The following NBEAL1 variants were observed in gnomAD, a reference collection of about 807,000 sequenced individuals.
NBEAL1 encodes neurobeachin like 1, also known as neurobeachin-like protein 1.
In NBEAL1, 273 loss-of-function variants were observed where a neutral mutation model predicts 351.3. That is an observed-to-expected ratio of 0.78 (90% CI 0.70 to 0.86). The LOEUF (loss-of-function observed/expected upper bound fraction) is 0.86, where lower values mean the gene tolerates loss of function less well. Ranked by LOEUF, NBEAL1 falls within the 40% of genes least tolerant of loss-of-function variation. The pLI, the probability that NBEAL1 is intolerant of heterozygous loss-of-function variation, is 0.00. For missense variants in NBEAL1, 2,961 were observed against 3,201.3 expected (o/e 0.92, Z 1.81); for synonymous variants, 1,050 against 1,086.4 (o/e 0.97, Z 0.66).
rs1199081057 is a variant in NBEAL1 at position 203,133,163 on chromosome 2, GAT to G, written c.3813+22_3813+23del. On this transcript the variant is annotated intron_variant, in intron 27 of 55. Coordinates refer to ENST00000683969, the MANE Select transcript of NBEAL1 (RefSeq NM_001378026.1). The stretch of plus-strand genomic sequence containing the variant: ...TGCAGAAAGGTCAGTAAACTCTTAA[GAT>G]ATATTTTAATGATAGCAGCATCACC... 7 of 1,234,690 alleles carry G rather than the reference GAT, an allele frequency of 5.7e-6. No homozygotes were observed. In the Admixed American group the frequency reaches 1.7e-4, roughly 29 times the overall value. 76.5% of individuals were successfully genotyped at this position (1,234,690 alleles called of 1,614,324 possible).
intron 10 of NBEAL1, 44 bp downstream of exon 10, chr2:203,084,613 T>C (rs781445597): frequency 1.6e-6 from 2 of 1,213,522 alleles, no homozygotes; most frequent in South Asian, 3.0e-5. Context: ...TAAGAAGCTA[T>C]TTTTTGTTTT....
At position 203,127,795 on chromosome 2, in the gene NBEAL1, A is replaced by G. The variant is rs1047631195; in HGVS notation, c.3263A>G (p.Tyr1088Cys). The G allele has an allele frequency of 2.0e-6, 3 of 1,505,638 alleles. No individual in the cohort carries two copies. Among genetic ancestry groups the G allele is most frequent in the Non-Finnish European group, 2.7e-6 (3 of 1,108,408 alleles). The allele number at this position is 1,505,638 out of a possible 1,614,324, so 93.3% of individuals were successfully genotyped here. ...TTGTCTTTCAGGAATGGTTGTAAAT[A>G]TAATGAACTATCTCTAGATGATATT... Reference protein sequence around the residue: ...LRIYYGNGCKYNELSLDDIRT... With the variant: ...LRIYYGNGCKCNELSLDDIRT... Residue 1088 changes from tyrosine to cysteine, a missense_variant, in exon 24 of 56, where the codon TAT (tyrosine) becomes TGT (cysteine). Tyr to Cys is a radical substitution (Grantham distance 194, BLOSUM62 -2). Transcript: ENST00000683969.
intron 35 of NBEAL1, among the ~76,000 whole-genome samples, chr2:203,152,041 T>A (rs2063668852): frequency 6.6e-6 from 1 of 151,972 alleles, no homozygotes; most frequent in Non-Finnish European, 1.5e-5. Flanking sequence ...CACTGCAACC[T>A]CTGCTTCCAG....
rs115461565 is a variant in NBEAL1, at chr2:203,016,648, G to A, written c.51+213G>A. The stretch of plus-strand genomic sequence containing the variant: ...CATACTGTTAAAAACTGTAGGGTGC[G>A]GCTTTTATTTGATACTTATCCCCAA... On this transcript the variant is annotated intron_variant, in intron 2 of 55. Transcript: ENST00000683969. Among the ~76,000 whole-genome samples, 555 of 152,042 alleles carry A rather than the reference G, an allele frequency of 3.7e-3. 6 individuals carry two copies. The highest frequency in any genetic ancestry group is 0.012 in the African/African-American group (492 of 41,458).
intron 42 of NBEAL1, 122 bp downstream of exon 42, chr2:203,175,409 T>C (rs2064470435): frequency 1.0e-6 from 1 of 994,906 alleles, no homozygotes; most frequent in South Asian, 1.7e-5. Context: ...TTTGATCAGC[T>C]AAAAATAAAC....
intron 36 of NBEAL1, among the ~76,000 whole-genome samples, chr2:203,163,713 T>C (rs533020567): frequency 6.6e-6 from 1 of 152,310 alleles, no homozygotes; most frequent in South Asian, 2.1e-4. Flanking sequence ...AACACAACTG[T>C]ATATATCAGT....
chr2:203,202,916 G>A (rs2065441731), intron 51 of NBEAL1, 135 bp downstream of exon 51: 1 of 602,398 alleles, frequency 1.7e-6, no homozygotes, highest in Non-Finnish European at 3.0e-6. Flanking sequence ...CCCACATTTT[G>A]TCCTGTTCAA....
At chr2:203,057,808 AT>A (rs942163094) in intron 6 of NBEAL1, among the ~76,000 whole-genome samples, 31 of 145,950 alleles carry the variant, frequency 2.1e-4, no homozygotes, top group African/African-American at 3.0e-4. Context: ...TATTTTGTCC[AT>A]TTTTTTTCTT....
At position 203,172,757 on chromosome 2, in the gene NBEAL1, C is replaced by T. The variant is rs781656581; in HGVS notation, c.6227C>T (p.Ser2076Leu). Residue 2076 changes from serine (S) to leucine (L), a missense_variant, in exon 41 of 56, where the codon TCG (serine) becomes TTG (leucine). By Grantham distance (145) the Ser-to-Leu change is moderately radical. Coordinates refer to ENST00000683969, the MANE Select transcript of NBEAL1 (RefSeq NM_001378026.1). ...VFPWILQDYT[S>L]EELDLNNPAV... ...CCCTGGATTTTACAAGATTATACTTCGGAAGAGTTGGACCTTAATAACCCT... is the reference window on the plus strand; with the variant it reads ...CCCTGGATTTTACAAGATTATACTTTGGAAGAGTTGGACCTTAATAACCCT... The T allele has an allele frequency of 2.5e-6, 4 of 1,610,512 alleles. No individual in the cohort carries two copies. Among genetic ancestry groups the T allele is most frequent in the East Asian group, 2.2e-5 (1 of 44,636 alleles).
rs2063578488 is a variant in NBEAL1, at chr2:203,148,966, C to T, written c.5305-25C>T. On this transcript the variant is annotated intron_variant, in intron 33 of 55. Transcript: ENST00000683969. ...TACCTGTAAATATATGAGTCAATGA[C>T]CTTACTTTTTATTGTTTCTTTCAGG... 2.5e-6 allele frequency: 4 copies of T among 1,585,762 alleles called. No individual in the cohort carries two copies. In the East Asian group the frequency reaches 9.0e-5, roughly 36 times the overall value.
Position 203,083,531 on chromosome 2 carries a change from T to C in NBEAL1, c.991+6T>C. The C allele has an allele frequency of 6.7e-7, 1 of 1,499,266 alleles. No homozygotes were observed. The highest frequency in any genetic ancestry group is 8.9e-7 in the Non-Finnish European group (1 of 1,122,490). 92.9% of individuals were successfully genotyped at this position (1,499,266 alleles called of 1,614,324 possible). A position where few individuals can be genotyped will look rare whatever the true frequency, so the allele number is the denominator to read the frequency against. The stretch of plus-strand genomic sequence containing the variant: ...TCTACAGATCAAAATGCTGAGTAAG[T>C]ATTACATAATGACAACTTTTTCTGA... On this transcript the variant is annotated splice_donor_region_variant and intron_variant, in intron 9 of 55. Coordinates refer to ENST00000683969, the MANE Select transcript of NBEAL1 (RefSeq NM_001378026.1).
At chr2:203,125,268 A>C in intron 19 of NBEAL1, 84 bp from the exon 20 acceptor site, 1 of 1,020,624 alleles carries the variant, frequency 9.8e-7, no homozygotes, top group Non-Finnish European at 1.4e-6. Flanking sequence ...TATCTAGCAG[A>C]TTATAACTTC....
intron 5 of NBEAL1, among the ~76,000 whole-genome samples, chr2:203,056,798 C>T (rs1559336183): frequency 6.6e-6 from 1 of 152,194 alleles, no homozygotes; most frequent in Non-Finnish European, 1.5e-5. Context: ...AAACTCCTGA[C>T]CTCAGGTGGT....
chr2:203,023,340 A>G (rs2060798529), intron 2 of NBEAL1, among the ~76,000 whole-genome samples: 3 of 152,254 alleles, frequency 2.0e-5, no homozygotes, highest in Non-Finnish European at 2.9e-5. Flanking sequence ...TAAAGAAAAG[A>G]AAACAAAATC....
chr2:203,127,596 C>T (rs2062968861), intron 23 of NBEAL1, among the ~76,000 whole-genome samples, 185 bp from the exon 24 acceptor site: 1 of 152,092 alleles, frequency 6.6e-6, no homozygotes, highest in South Asian at 2.1e-4. Context: ...GTGGCGTGTG[C>T]CTGTAATCCC....
intron 7 of NBEAL1, among the ~76,000 whole-genome samples, chr2:203,075,742 C>T (rs2061760426): frequency 6.6e-6 from 1 of 152,224 alleles, no homozygotes; most frequent in Admixed American, 6.5e-5. Flanking sequence ...TGTAGCAGTT[C>T]AGAAAGTGTC....
chr2:203,198,020 CTT>C (rs71034228), intron 48 of NBEAL1, among the ~76,000 whole-genome samples: 2 of 118,588 alleles, frequency 1.7e-5, no homozygotes, highest in African/African-American at 6.2e-5. Context: ...TTTTTCTTTT[CTT>C]TTTTTTTTTT....
chr2:203,092,436 G>A (rs924357664), intron 10 of NBEAL1, among the ~76,000 whole-genome samples: 11 of 151,802 alleles, frequency 7.2e-5, no homozygotes, highest in Non-Finnish European at 1.2e-4. Flanking sequence ...GTGGTGGTGC[G>A]CACCTGTAGT....
At chr2:203,050,067 T>A in intron 4 of NBEAL1, 92 bp downstream of exon 4, 1 of 1,175,728 alleles carries the variant, frequency 8.5e-7, no homozygotes, top group Non-Finnish European at 1.2e-6. Flanking sequence ...CATCACACAC[T>A]GGGCCTATTG....
Sources: gnomAD v4.1 joint callset for allele counts (sites outside exome capture counted in the v4.1 genomes callset) on GRCh38, gnomAD v4.1.1 for gene constraint, MANE v1.5 for transcripts, NCBI Gene and HGNC (gene_info 2026-07-23, HGNC 2026-07-21) for gene names.